The following SNTG1 variants were observed in gnomAD, a reference collection of about 807,000 sequenced individuals.
SNTG1 encodes gamma-1-syntrophin.
In SNTG1, 39 loss-of-function variants were observed where a neutral mutation model predicts 74.7. That is an observed-to-expected ratio of 0.52 (90% CI 0.40 to 0.68). The LOEUF (loss-of-function observed/expected upper bound fraction) is 0.68. Ranked by LOEUF, SNTG1 falls within the 30% of genes least tolerant of loss-of-function variation. SNTG1 has a pLI of 0.00. For synonymous variants in SNTG1, 254 were observed against 217.1 expected (o/e 1.17, Z -1.49); for missense variants, 685 against 609.5 (o/e 1.12, Z -1.30).
intron 8 of SNTG1, among the ~76,000 whole-genome samples, chr8:50,484,998 A>T (rs2093778137): frequency 6.6e-6 from 1 of 152,218 alleles, no homozygotes; most frequent in Non-Finnish European, 1.5e-5. Context: ...CATTTTATAA[A>T]TATACTCTCT....
intron 2 of SNTG1, among the ~76,000 whole-genome samples, chr8:50,363,945 G>A (rs1023963895): frequency 3.3e-5 from 5 of 152,110 alleles, no homozygotes; most frequent in African/African-American, 1.2e-4. Context: ...AAGCCAGATG[G>A]CAGAGATACA....
At chr8:50,562,579 A>G (rs75893181) in intron 12 of SNTG1, among the ~76,000 whole-genome samples, 5,125 of 152,296 alleles carry the variant, frequency 0.034, 138 homozygotes, top group African/African-American at 0.064. Context: ...CTTATGACCT[A>G]CAGAACAGTA....
rs150194908 is a variant in SNTG1, at chr8:50,291,575, G to A, written c.-27-102637G>A. ...AAAGTTGCAGGGCTAGATCGAGGAA[G>A]ACTTTCTAGGATGTACTAGGGATTT... is the stretch of plus-strand genomic sequence containing the variant. On this transcript the variant is annotated intron_variant, in intron 2 of 18. Transcript: ENST00000642720. Among the ~76,000 whole-genome samples, 700 of 152,214 alleles carry A rather than the reference G, an allele frequency of 4.6e-3. 4 individuals carry two copies. Among genetic ancestry groups the A allele is most frequent in the Middle Eastern group, 0.031 (9 of 294 alleles).
At chr8:50,436,161 G>A (rs776472444) in intron 4 of SNTG1, among the ~76,000 whole-genome samples, 2 of 152,102 alleles carry the variant, frequency 1.3e-5, no homozygotes, top group Non-Finnish European at 2.9e-5. Context: ...CAACTGATAT[G>A]GGTTGTCTGG....
At chr8:50,755,661 G>GT (rs770953084) in intron 18 of SNTG1, among the ~76,000 whole-genome samples, 61 of 151,906 alleles carry the variant, frequency 4.0e-4, no homozygotes, top group Admixed American at 8.5e-4. Flanking sequence ...ACAGTGTTTA[G>GT]TTTTTTTAAA....
intron 13 of SNTG1, among the ~76,000 whole-genome samples, chr8:50,617,523 T>C (rs1563652390): frequency 1.3e-5 from 2 of 152,124 alleles, no homozygotes; most frequent in Non-Finnish European, 2.9e-5. Flanking sequence ...TGCCCTTTCT[T>C]CATTGTACTC....
intron 1 of SNTG1, among the ~76,000 whole-genome samples, chr8:49,934,360 CTATT>C (rs1305698507): frequency 4.6e-5 from 7 of 151,884 alleles, no homozygotes; most frequent in African/African-American, 1.2e-4. Flanking sequence ...ATCTACCTAT[CTATT>C]TATCATATCA....
intron 8 of SNTG1, among the ~76,000 whole-genome samples, chr8:50,501,144 G>C (rs753781839): frequency 6.6e-6 from 1 of 152,008 alleles, no homozygotes; most frequent in Non-Finnish European, 1.5e-5. Flanking sequence ...GCCTTGCCTG[G>C]TATTAGTGCG....
At chr8:50,513,940 A>G (rs539650051) in intron 9 of SNTG1, among the ~76,000 whole-genome samples, 1 of 152,202 alleles carries the variant, frequency 6.6e-6, no homozygotes, top group African/African-American at 2.4e-5. Flanking sequence ...ACTTTTTGAC[A>G]TTCCCCAATG....
chr8:50,356,936 G>A (rs1425247641), intron 2 of SNTG1, among the ~76,000 whole-genome samples: 2 of 152,198 alleles, frequency 1.3e-5, no homozygotes, highest in African/African-American at 2.4e-5. Context: ...TGACTTTTGG[G>A]CCTCAATGAG....
chr8:50,764,786 C>T (rs2095609462), intron 18 of SNTG1, among the ~76,000 whole-genome samples: 1 of 151,842 alleles, frequency 6.6e-6, no homozygotes, highest in Non-Finnish European at 1.5e-5. Context: ...AGTATATATG[C>T]AAATGATTTG....
chr8:50,568,252 T>TGC (rs1563587356), intron 12 of SNTG1, among the ~76,000 whole-genome samples: 58 of 152,178 alleles, frequency 3.8e-4, no homozygotes, highest in East Asian at 3.5e-3. Flanking sequence ...TGTGTGTGTG[T>TGC]GCTATCTATT....
chr8:49,987,883 C>T (rs541057073), intron 1 of SNTG1, among the ~76,000 whole-genome samples: 3 of 152,126 alleles, frequency 2.0e-5, no homozygotes, highest in East Asian at 1.9e-4. Context: ...CTCCTGACCT[C>T]GCGATCTGCC....
chr8:50,666,382 C>T (rs987180818), intron 15 of SNTG1, among the ~76,000 whole-genome samples: 4 of 152,056 alleles, frequency 2.6e-5, no homozygotes, highest in African/African-American at 9.7e-5. Context: ...AGGACTAGAC[C>T]ACATCAGAGT....
intron 1 of SNTG1, among the ~76,000 whole-genome samples, chr8:49,989,817 T>G (rs1813510960): frequency 6.6e-6 from 1 of 152,022 alleles, no homozygotes; most frequent in African/African-American, 2.4e-5. Context: ...CAATGTAATA[T>G]ATTGATACAG....
intron 13 of SNTG1, among the ~76,000 whole-genome samples, chr8:50,615,380 T>G (rs2094879084): frequency 6.6e-6 from 1 of 152,236 alleles, no homozygotes; most frequent in African/African-American, 2.4e-5. Context: ...CTTATCAGCT[T>G]ATTTTGACAT....
chr8:50,591,870 G>A lies in SNTG1; in HGVS notation c.849+953G>A, dbSNP rs144872465. Among the ~76,000 whole-genome samples the A allele has an allele frequency of 7.9e-5, 12 of 152,302 alleles. No individual in the cohort carries two copies. The East Asian group carries it at 2.3e-3, about 29-fold the overall frequency. On this transcript the variant is annotated intron_variant, in intron 13 of 18. Coordinates refer to ENST00000642720, the MANE Select transcript of SNTG1 (RefSeq NM_018967.5). ...TGCCCTGAGCCAAGTTGATATCTTG[G>A]ATAAATGCAGAGGTTGGAGAGATGT...
At chr8:50,536,614 T>C in intron 10 of SNTG1, 64 bp from the exon 11 acceptor site, 2 of 1,572,678 alleles carry the variant, frequency 1.3e-6, no homozygotes, top group Non-Finnish European at 1.7e-6. Context: ...TAAAAGGGGT[T>C]TGAGATACAG....
At chr8:50,073,084 G>T (rs1303685247) in intron 1 of SNTG1, among the ~76,000 whole-genome samples, 1 of 152,110 alleles carries the variant, frequency 6.6e-6, no homozygotes, top group Non-Finnish European at 1.5e-5. Flanking sequence ...TGCTGCATCA[G>T]TTGATTGTTC....
Sources: allele counts gnomAD v4.1 joint callset (sites outside exome capture counted in the v4.1 genomes callset), GRCh38; gene constraint gnomAD v4.1.1; transcripts MANE v1.5; gene names NCBI Gene and HGNC (gene_info 2026-07-23, HGNC 2026-07-21).